The following LDB2 variants were observed in gnomAD, a reference collection of about 807,000 sequenced individuals.
LDB2 encodes LIM domain-binding protein 2.
LDB2 carries 12 observed loss-of-function variants against 44.3 expected under a neutral mutation model. The ratio of observed to expected loss-of-function variants is 0.27; its 90% CI spans 0.17 to 0.44. The LOEUF (loss-of-function observed/expected upper bound fraction) is 0.44, where lower values mean the gene tolerates loss of function less well. Among genes scored for constraint, LDB2 ranks in the 20% least tolerant of loss-of-function variants. The pLI, the probability that LDB2 is intolerant of heterozygous loss-of-function variation, is 1.00. For missense variants in LDB2, 344 were observed against 473.5 expected (o/e 0.73, Z 2.54); for synonymous variants, 164 against 174.8 (o/e 0.94, Z 0.49).
chr4:16,768,981 T>C (rs1769996661), intron 1 of LDB2, among the ~76,000 whole-genome samples: 1 of 152,184 alleles, frequency 6.6e-6, no homozygotes, highest in South Asian at 2.1e-4. Context: ...GCTAGCAAGT[T>C]TAGACTCATG....
chr4:16,858,030 C>G (rs1466507780), intron 1 of LDB2, among the ~76,000 whole-genome samples: 2 of 151,952 alleles, frequency 1.3e-5, no homozygotes, highest in Non-Finnish European at 2.9e-5. Flanking sequence ...CTGTCCCTCA[C>G]AAGATTGATA....
At chr4:16,893,146 T>A (rs1723902616) in intron 1 of LDB2, 10 of 731,624 alleles carry the variant, frequency 1.4e-5, no homozygotes, top group Non-Finnish European at 1.7e-5. Context: ...AAACTGCACT[T>A]TTGGTTTCAT....
chr4:16,747,513 T>C (rs1764633550), intron 2 of LDB2, among the ~76,000 whole-genome samples: 1 of 152,212 alleles, frequency 6.6e-6, no homozygotes, highest in Non-Finnish European at 1.5e-5. Context: ...TTATTAATTG[T>C]TTTAAAGCTT....
chr4:16,667,904 C>G (rs1158116658), intron 2 of LDB2, among the ~76,000 whole-genome samples: 7 of 152,202 alleles, frequency 4.6e-5, no homozygotes, highest in Non-Finnish European at 1.0e-4. Context: ...CCTTCCCTCT[C>G]ACTCTGGTCC....
intron 1 of LDB2, among the ~76,000 whole-genome samples, chr4:16,826,226 C>T (rs1023132413): frequency 4.6e-5 from 7 of 152,154 alleles, no homozygotes; most frequent in Admixed American, 1.3e-4. Flanking sequence ...AAACAATATT[C>T]GAATCATAAT....
At chr4:16,760,185 G>A (rs1767588194) in intron 1 of LDB2, among the ~76,000 whole-genome samples, 1 of 152,120 alleles carries the variant, frequency 6.6e-6, no homozygotes, top group Non-Finnish European at 1.5e-5. Flanking sequence ...AAGACAAGAT[G>A]CATCCCAGCT....
chr4:16,594,162 A>C (rs1233352001), intron 3 of LDB2, among the ~76,000 whole-genome samples: 1 of 151,814 alleles, frequency 6.6e-6, no homozygotes, highest in East Asian at 1.9e-4. Context: ...CATTAAGCCT[A>C]GAGGAAAAAA....
Position 16,795,340 on chromosome 4 carries a change from A to G in LDB2, c.133-36080T>C, listed in dbSNP as rs189352578. Among the ~76,000 whole-genome samples, 17 of 152,284 alleles carry G rather than the reference A, an allele frequency of 1.1e-4. No individual in the cohort carries two copies. The East Asian group carries it at 2.1e-3, about 19-fold the overall frequency. On this transcript the variant is annotated intron_variant, in intron 1 of 7. Transcript: ENST00000304523. ...TCATAAAAGGCCTTGTAAGTCACCA[A>G]AAGAAATCTGGGCACAATCTAAGGA...
chr4:16,703,321 G>A (rs1753899106), intron 2 of LDB2, among the ~76,000 whole-genome samples: 1 of 152,202 alleles, frequency 6.6e-6, no homozygotes, highest in Admixed American at 6.5e-5. Flanking sequence ...AGGAGTTGGG[G>A]CAGAATGTTC....
chr4:16,849,401 A>G (rs207713), intron 1 of LDB2, among the ~76,000 whole-genome samples: 78,060 of 152,140 alleles, frequency 0.51, 20,812 homozygotes, highest in East Asian at 0.78. Context: ...AAAGGATCTT[A>G]TTCATCGTGT....
intron 1 of LDB2, among the ~76,000 whole-genome samples, chr4:16,768,859 C>T (rs1249145070): frequency 6.6e-6 from 1 of 152,090 alleles, no homozygotes; most frequent in Non-Finnish European, 1.5e-5. Flanking sequence ...GCATTATTAA[C>T]CCCATCTTAT....
chr4:16,605,524 C>G (rs957851085), intron 2 of LDB2, among the ~76,000 whole-genome samples: 1 of 152,192 alleles, frequency 6.6e-6, no homozygotes, highest in African/African-American at 2.4e-5. Context: ...ACTAGCTCGT[C>G]ACAATAAATT....
At chr4:16,856,173 A>T (rs1028176275) in intron 1 of LDB2, among the ~76,000 whole-genome samples, 2 of 152,156 alleles carry the variant, frequency 1.3e-5, no homozygotes, top group African/African-American at 2.4e-5. Context: ...TATTAAAGAG[A>T]CTTGCAAACC....
chr4:16,665,947 T>C (rs1368522650), intron 2 of LDB2, among the ~76,000 whole-genome samples: 1 of 152,116 alleles, frequency 6.6e-6, no homozygotes, highest in South Asian at 2.1e-4. Flanking sequence ...AGCCCCGGAA[T>C]GTTGAAGATT....
chr4:16,809,954 G>C (rs1194864889), intron 1 of LDB2, among the ~76,000 whole-genome samples: 1 of 152,078 alleles, frequency 6.6e-6, no homozygotes, highest in African/African-American at 2.4e-5. Flanking sequence ...CTTTTCATGT[G>C]GTCAATGCAA....
intron 1 of LDB2, among the ~76,000 whole-genome samples, chr4:16,775,641 G>A (rs890644660): frequency 1.3e-5 from 2 of 152,064 alleles, no homozygotes; most frequent in South Asian, 2.1e-4. Context: ...CAATTAGCCG[G>A]GTCCTGACAC....
chr4:16,695,046 T>C (rs1751778287), intron 2 of LDB2, among the ~76,000 whole-genome samples: 1 of 152,152 alleles, frequency 6.6e-6, no homozygotes, highest in Non-Finnish European at 1.5e-5. Context: ...TTAGTTAGTT[T>C]TGCAAGTTGC....
intron 2 of LDB2, among the ~76,000 whole-genome samples, chr4:16,727,630 A>G (rs1270830500): frequency 1.3e-5 from 2 of 152,186 alleles, no homozygotes; most frequent in African/African-American, 4.8e-5. Context: ...GAGGTACTTT[A>G]TAGCTACTTC....
chr4:16,646,005 T>C (rs761706696), intron 2 of LDB2, among the ~76,000 whole-genome samples: 1 of 152,214 alleles, frequency 6.6e-6, no homozygotes, highest in Non-Finnish European at 1.5e-5. Flanking sequence ...GCACTTTGCA[T>C]TGATTCTTTA....
Sources: gnomAD v4.1 joint callset for allele counts (sites outside exome capture counted in the v4.1 genomes callset) on GRCh38, gnomAD v4.1.1 for gene constraint, MANE v1.5 for transcripts, NCBI Gene and HGNC (gene_info 2026-07-23, HGNC 2026-07-21) for gene names.